Variants in WASF3 observed in about 807,000 individuals in gnomAD.
WASF3 encodes the protein actin-binding protein WASF3.
In WASF3, 11 loss-of-function variants were observed where a neutral mutation model predicts 46.6. The observed-to-expected ratio is 0.24, with a 90% confidence interval of 0.15 to 0.39. WASF3 has a LOEUF of 0.39. WASF3 is among the 10% of genes least tolerant of loss of function. The probability of loss-of-function intolerance (pLI) is 1.00; values close to 1 mark genes in which losing one functional copy is unlikely to be tolerated. For missense variants in WASF3, 576 were observed against 669.8 expected (o/e 0.86, Z 1.55); for synonymous variants, 242 against 259.7 (o/e 0.93, Z 0.65).
the WASF3 span, among the ~76,000 whole-genome samples, chr13:26,543,167 G>A: frequency 2.0e-3 from 302 of 152,220 alleles, 1 homozygote; most frequent in African/African-American, 7.1e-3. Flanking sequence ...GGAGGTGGTG[G>A]GAATGTGTCT....
chr13:26,611,031 CTTTTTTTTT>C (rs71080282), intron 1 of WASF3, among the ~76,000 whole-genome samples: 2 of 110,578 alleles, frequency 1.8e-5, no homozygotes, highest in African/African-American at 3.3e-5. Context: ...TTACTTACTC[CTTTTTTTTT>C]TTTTTTTTTT....
At chr13:26,607,111 C>T (rs190426758) in intron 1 of WASF3, among the ~76,000 whole-genome samples, 33 of 152,124 alleles carry the variant, frequency 2.2e-4, no homozygotes, top group African/African-American at 7.7e-4. Flanking sequence ...TAGTACTATC[C>T]GCAGTTTTAG....
chr13:26,619,567 T>A (rs1881242485), intron 2 of WASF3: 1 of 152,176 alleles, frequency 6.6e-6, no homozygotes, highest in South Asian at 2.1e-4. Flanking sequence ...AACCAAAGGT[T>A]AGTCATGTTA....
chr13:26,585,899 GA>G (rs539452316), intron 1 of WASF3, among the ~76,000 whole-genome samples: 3 of 152,150 alleles, frequency 2.0e-5, no homozygotes, highest in Non-Finnish European at 4.4e-5. Flanking sequence ...TGGTGCTGTA[GA>G]AAACTTACCT....
chr13:26,623,174 A>C (rs983863760), intron 2 of WASF3, among the ~76,000 whole-genome samples: 7 of 152,202 alleles, frequency 4.6e-5, no homozygotes, highest in Admixed American at 1.3e-4. Context: ...CCCCAGATAC[A>C]AGGGGAAGGT....
At chr13:26,669,706 G>C (rs565738346) in intron 5 of WASF3, among the ~76,000 whole-genome samples, 1 of 152,108 alleles carries the variant, frequency 6.6e-6, no homozygotes, top group Non-Finnish European at 1.5e-5. Context: ...TAGAGATGGG[G>C]TTTTACCATG....
chr13:26,654,631 C>T (rs1456744393), intron 3 of WASF3, among the ~76,000 whole-genome samples: 1 of 152,162 alleles, frequency 6.6e-6, no homozygotes, highest in African/African-American at 2.4e-5. Context: ...TATCTAAGTT[C>T]TTAAAATGCT....
intron 7 of WASF3, 40 bp downstream of exon 7, chr13:26,676,764 G>A (rs767182598): frequency 1.9e-6 from 3 of 1,570,794 alleles, no homozygotes; most frequent in Non-Finnish European, 2.6e-6. Flanking sequence ...TGATGCTTGG[G>A]CAACTGGGTA....
chr13:26,680,044 C>T (rs1486222358), intron 7 of WASF3: 1 of 1,596,664 alleles, frequency 6.3e-7, no homozygotes, highest in East Asian at 2.2e-5. Context: ...GAGAGAGAAA[C>T]ACAAGCTGAA....
rs536582694 is a variant in WASF3, at chr13:26,685,806, C to T, written c.1470C>T (p.Asp490=). The T allele has an allele frequency of 2.5e-5, 41 of 1,614,026 alleles. 1 individual carries two copies. Among genetic ancestry groups the T allele is most frequent in the Middle Eastern group, 1.6e-4 (1 of 6,062 alleles). Residue 490 remains aspartate, a synonymous_variant, in exon 10 of 10, where the codon GAC becomes GAT. Transcript: ENST00000335327. ...TTGCCGTGGAGTACAGCGACTCTGA[C>T]GACGACTCAGAGTTCGACGAGAACG... ...RRIAVEYSDS[D]DDSEFDENDW...
chr13:26,632,754 C>T (rs922902971), intron 2 of WASF3, among the ~76,000 whole-genome samples: 2 of 152,164 alleles, frequency 1.3e-5, no homozygotes, highest in African/African-American at 2.4e-5. Context: ...ATGGTACCAG[C>T]TCCTCTTTGT....
intron 1 of WASF3, among the ~76,000 whole-genome samples, chr13:26,588,477 G>C (rs1252322822): frequency 6.6e-6 from 1 of 152,206 alleles, no homozygotes; most frequent in Non-Finnish European, 1.5e-5. Context: ...GCTGTGGCCA[G>C]GAGGTTGGGG....
intron 3 of WASF3, among the ~76,000 whole-genome samples, chr13:26,654,217 C>G (rs1056433562): frequency 1.3e-5 from 2 of 152,166 alleles, no homozygotes; most frequent in East Asian, 3.9e-4. Context: ...CCATCACTCA[C>G]TAGCCTTTAG....
chr13:26,640,049 G>T (rs2137279982), intron 2 of WASF3, among the ~76,000 whole-genome samples: 1 of 152,202 alleles, frequency 6.6e-6, no homozygotes, highest in South Asian at 2.1e-4. Flanking sequence ...AGGTGTGATA[G>T]GTGTGTGGGC....
chr13:26,676,666 TTGTC>T lies in WASF3; in HGVS notation c.660_663del (p.Leu220PhefsTer43). 6.2e-7 allele frequency: 1 copy of T among 1,614,116 alleles called. No homozygotes were observed. Among genetic ancestry groups the T allele is most frequent in the Non-Finnish European group, 8.5e-7 (1 of 1,180,020 alleles). On this transcript the variant is annotated frameshift_variant, in exon 7 of 10. Coordinates refer to ENST00000335327, the MANE Select transcript of WASF3 (RefSeq NM_006646.6). LOFTEE classifies it high-confidence loss of function. ...CAAAGAGCTTAGACCCGACAACAGG[TTGTC>T]TCAGAGTGTGTACCATGGAGCGTCT... is the stretch of plus-strand genomic sequence containing the variant.
At chr13:26,647,886 G>C (rs1186411921) in intron 3 of WASF3, among the ~76,000 whole-genome samples, 1 of 152,006 alleles carries the variant, frequency 6.6e-6, no homozygotes, top group African/African-American at 2.4e-5. Flanking sequence ...GTAATACTTT[G>C]AACATATTTT....
chr13:26,681,760 T>C (rs1883237896), intron 8 of WASF3, among the ~76,000 whole-genome samples: 2 of 152,122 alleles, frequency 1.3e-5, no homozygotes, highest in South Asian at 4.1e-4. Context: ...TTTCGTGACC[T>C]CTGACCACCC....
intron 1 of WASF3, among the ~76,000 whole-genome samples, chr13:26,599,292 C>T (rs1349663940): frequency 6.8e-6 from 1 of 147,922 alleles, no homozygotes; most frequent in Non-Finnish European, 1.5e-5. Context: ...AAGCAGTTCT[C>T]CTGCCTCAGC....
intron 7 of WASF3, among the ~76,000 whole-genome samples, chr13:26,677,235 G>T (rs1247347887): frequency 6.6e-6 from 1 of 152,180 alleles, no homozygotes; most frequent in Non-Finnish European, 1.5e-5. Flanking sequence ...TTCAGGAGAA[G>T]AATTCTATTG....
Sources: allele counts gnomAD v4.1 joint callset (sites outside exome capture counted in the v4.1 genomes callset), GRCh38; gene constraint gnomAD v4.1.1; transcripts MANE v1.5; gene names NCBI Gene and HGNC (gene_info 2026-07-23, HGNC 2026-07-21).